The following GRIN2A variants were observed in gnomAD, a reference collection of about 807,000 sequenced individuals.
GRIN2A encodes the protein glutamate receptor ionotropic, NMDA 2A.
Under a neutral mutation model 113.4 loss-of-function variants are expected in GRIN2A, and 22 were observed. The observed-to-expected ratio is 0.19, with a 90% CI of 0.14 to 0.28. The LOEUF (loss-of-function observed/expected upper bound fraction) is 0.28. Ranked by LOEUF, GRIN2A falls within the 10% of genes least tolerant of loss-of-function variation. GRIN2A has a pLI of 1.00. For synonymous variants in GRIN2A, 827 were observed against 738.4 expected (o/e 1.12, Z -1.94); for missense variants, 1,502 against 1,887.0 (o/e 0.80, Z 3.78).
chr16:10,038,293 G>C (rs1411910819), intron 2 of GRIN2A, among the ~76,000 whole-genome samples: 2 of 152,076 alleles, frequency 1.3e-5, no homozygotes, highest in Non-Finnish European at 2.9e-5. Flanking sequence ...CCCCACCTCA[G>C]CCTATCACTT....
intron 11 of GRIN2A, among the ~76,000 whole-genome samples, chr16:9,794,341 G>A (rs1016772456): frequency 2.6e-5 from 4 of 152,192 alleles, no homozygotes; most frequent in South Asian, 2.1e-4. Flanking sequence ...ACTCATAATC[G>A]TCCACTGAAG....
intron 3 of GRIN2A, among the ~76,000 whole-genome samples, chr16:9,935,062 T>A (rs887897498): frequency 6.6e-6 from 1 of 152,094 alleles, no homozygotes; most frequent in Non-Finnish European, 1.5e-5. Context: ...CAGAATTTTT[T>A]AAAAAAAGCA....
intron 2 of GRIN2A, among the ~76,000 whole-genome samples, chr16:10,058,294 CAAAAAA>C (rs2047490557): frequency 8.0e-6 from 1 of 125,422 alleles, no homozygotes; most frequent in Non-Finnish European, 1.9e-5. Flanking sequence ...AACAAAAAAA[CAAAAAA>C]CAAAAAACAA....
chr16:9,878,989 T>C (rs1019483036), intron 4 of GRIN2A, among the ~76,000 whole-genome samples: 1 of 152,200 alleles, frequency 6.6e-6, no homozygotes, highest in Non-Finnish European at 1.5e-5. Context: ...ACCTAACATA[T>C]TGTACTGTGT....
chr16:9,797,273 C>G (rs11640235), intron 11 of GRIN2A, among the ~76,000 whole-genome samples: 31,272 of 152,206 alleles, frequency 0.21, 4,086 homozygotes, highest in Non-Finnish European at 0.29. Context: ...CCTCCTCATA[C>G]CGAGCTCATT....
At chr16:10,147,266 G>A (rs890253639) in intron 2 of GRIN2A, among the ~76,000 whole-genome samples, 1 of 151,840 alleles carries the variant, frequency 6.6e-6, no homozygotes, top group African/African-American at 2.4e-5. Context: ...ATAACGTCAC[G>A]TTCAAAGACT....
intron 4 of GRIN2A, among the ~76,000 whole-genome samples, chr16:9,882,527 CTGTAA>C (rs2043501840): frequency 6.6e-6 from 1 of 152,170 alleles, no homozygotes; most frequent in Admixed American, 6.5e-5. Context: ...TGCCTCATGC[CTGTAA>C]TTCCAGCACT....
In GRIN2A at chr16:9,763,717, G is replaced by C. The variant is rs145063086; in HGVS notation, c.3827C>G (p.Ala1276Gly). ...VYQQDWAQNN[A>G]LQLQKNKLRI... The stretch of plus-strand genomic sequence containing the variant: ...TAGCTTGTTCTTTTGTAATTGAAGG[G>C]CATTGTTCTGTGCCCAGTCCTGCTG... The change falls in exon 13 of 13, where the codon GCC (alanine) becomes GGC (glycine). Residue 1276 changes from alanine (A) to glycine (G), a missense_variant. Physicochemically the swap from Ala to Gly is moderately conservative, Grantham distance 60. Coordinates refer to ENST00000330684, the MANE Select transcript of GRIN2A (RefSeq NM_001134407.3). 1,494 of 1,614,068 alleles carry C rather than the reference G, an allele frequency of 9.3e-4. 4 individuals are homozygous for C. The highest frequency in any genetic ancestry group is 1.2e-3 in the Non-Finnish European group (1,398 of 1,179,972).
chr16:10,017,015 T>C (rs752591276), intron 2 of GRIN2A, among the ~76,000 whole-genome samples: 2 of 152,158 alleles, frequency 1.3e-5, no homozygotes, highest in Non-Finnish European at 2.9e-5. Flanking sequence ...GAAATGATTG[T>C]TTACCAACTA....
chr16:10,053,621 T>A (rs7206296), intron 2 of GRIN2A, among the ~76,000 whole-genome samples: 1 of 152,106 alleles, frequency 6.6e-6, no homozygotes, highest in Non-Finnish European at 1.5e-5. Flanking sequence ...TGGATTGCCC[T>A]GGGGAGAAAA....
intron 2 of GRIN2A, among the ~76,000 whole-genome samples, chr16:10,136,869 G>T (rs1332596834): frequency 6.6e-6 from 1 of 152,194 alleles, no homozygotes; most frequent in African/African-American, 2.4e-5. Flanking sequence ...TTTGAGAAAT[G>T]ATCCCAGGAA....
chr16:9,936,566 T>C (rs1182685346), intron 3 of GRIN2A, among the ~76,000 whole-genome samples: 2 of 152,182 alleles, frequency 1.3e-5, no homozygotes, highest in African/African-American at 4.8e-5. Context: ...GGAGTGATCA[T>C]TCTAAATCTC....
At chr16:9,821,132 G>A (rs1382899614) in intron 10 of GRIN2A, among the ~76,000 whole-genome samples, 2 of 151,968 alleles carry the variant, frequency 1.3e-5, no homozygotes, top group Admixed American at 6.6e-5. Flanking sequence ...CCGAACAGCC[G>A]AAAAGGAGGT....
intron 2 of GRIN2A, chr16:10,112,885 G>T: frequency 2.1e-6 from 1 of 484,492 alleles, no homozygotes. Context: ...CTGTACTGAG[G>T]ATAGCAGTGG....
chr16:10,130,081 A>T (rs2049030405), intron 2 of GRIN2A, among the ~76,000 whole-genome samples: 1 of 152,230 alleles, frequency 6.6e-6, no homozygotes, highest in South Asian at 2.1e-4. Context: ...TTACTAAGAC[A>T]AGAAAGTAAG....
intron 2 of GRIN2A, among the ~76,000 whole-genome samples, chr16:10,022,382 G>T (rs943323307): frequency 6.6e-6 from 1 of 151,718 alleles, no homozygotes; most frequent in Middle Eastern, 3.2e-3. Flanking sequence ...ACATCTTGCT[G>T]TTCCTCCATG....
In GRIN2A at chr16:9,977,213, G is replaced by A. The variant is rs4254328; in HGVS notation, c.415-38662C>T. Among the ~76,000 whole-genome samples the A allele has an allele frequency of 0.11, 16,682 of 150,976 alleles. 1,149 individuals are homozygous for A. The highest frequency in any genetic ancestry group is 0.18 in the African/African-American group (7,220 of 41,054). ...AGGCTGAGGCAGGAGGATCGCTTGA[G>A]CCCAGGAATCCAAGGCTGCAGTGAG... On this transcript the variant is annotated intron_variant, in intron 2 of 12. Transcript: ENST00000330684.
intron 2 of GRIN2A, among the ~76,000 whole-genome samples, chr16:9,940,894 A>C (rs1187567261): frequency 6.6e-6 from 1 of 152,218 alleles, no homozygotes; most frequent in Non-Finnish European, 1.5e-5. Context: ...AGATAAAAAA[A>C]ACCACCAACA....
In GRIN2A at chr16:9,757,757, G is replaced by A. The variant is rs991532859; in HGVS notation, c.*5392C>T. 4.6e-6 allele frequency: 1 copy of A among 217,980 alleles called. No individual in the cohort carries two copies. The highest frequency in any genetic ancestry group is 2.2e-5 in the African/African-American group (1 of 44,528). The allele number at this position is 217,980 out of a possible 1,614,324, so 13.5% of individuals were successfully genotyped here. On this transcript the variant is annotated 3_prime_UTR_variant, in exon 13 of 13. Coordinates refer to ENST00000330684, the MANE Select transcript of GRIN2A (RefSeq NM_001134407.3). ...TATCCCTGTTGATTTTTCCTAAGGA[G>A]ACGGTCTCTGAGAAAAGTTTTCTCT...
Sources: gnomAD v4.1 joint callset for allele counts (sites outside exome capture counted in the v4.1 genomes callset) on GRCh38, gnomAD v4.1.1 for gene constraint, MANE v1.5 for transcripts, NCBI Gene and HGNC (gene_info 2026-07-23, HGNC 2026-07-21) for gene names.